Variants in NETO2 observed in about 807,000 individuals in gnomAD.
NETO2 encodes the protein neuropilin and tolloid like 2.
NETO2 carries 28 observed loss-of-function variants against 62.5 expected under a neutral mutation model. The observed-to-expected ratio is 0.45, with a 90% CI of 0.33 to 0.61. The LOEUF (loss-of-function observed/expected upper bound fraction) is 0.61, where lower values mean the gene tolerates loss of function less well. NETO2 is among the 20% of genes least tolerant of loss of function. The pLI, the probability that NETO2 is intolerant of heterozygous loss-of-function variation, is 0.02. For synonymous variants in NETO2, 214 were observed against 219.1 expected (o/e 0.98, Z 0.21); for missense variants, 548 against 643.2 (o/e 0.85, Z 1.60).
chr16:47,130,590 G>A (rs1056414231), intron 2 of NETO2, among the ~76,000 whole-genome samples: 3 of 151,756 alleles, frequency 2.0e-5, no homozygotes, highest in Non-Finnish European at 4.4e-5. Context: ...AAATCTATAA[G>A]ACAAAAACAA....
Position 47,092,025 on chromosome 16 carries a change from GT to G in NETO2, c.884-5687del, listed in dbSNP as rs34629427. ...GCCCAACTCATTTAAAACTGTTTTG[GT>G]TTTTTTTTTTTTTTTTGTAGAGATG... On this transcript the variant is annotated intron_variant, in intron 7 of 8. Transcript: ENST00000562435. Among the ~76,000 whole-genome samples the G allele has an allele frequency of 1.4e-3, 185 of 134,220 alleles. No homozygotes were observed. The East Asian group carries it at 0.015, about 11-fold the overall frequency. The allele number at this position is 134,220 out of a possible 152,430, so 88.1% of individuals were successfully genotyped here. A position where few individuals can be genotyped will look rare whatever the true frequency, so the allele number is the denominator to read the frequency against.
chr16:47,106,462 A>G (rs1251134251), intron 7 of NETO2, among the ~76,000 whole-genome samples: 1 of 152,110 alleles, frequency 6.6e-6, no homozygotes, highest in Non-Finnish European at 1.5e-5. Context: ...TATGCCATGT[A>G]TATTTTGCCA....
At chr16:47,121,126 C>A (rs1441111208) in intron 6 of NETO2, among the ~76,000 whole-genome samples, 2 of 152,150 alleles carry the variant, frequency 1.3e-5, no homozygotes, top group African/African-American at 4.8e-5. Context: ...TTATAGACCT[C>A]CTATTTGGTT....
intron 1 of NETO2, among the ~76,000 whole-genome samples, chr16:47,134,081 G>A (rs1425418441): frequency 6.6e-6 from 1 of 152,154 alleles, no homozygotes; most frequent in Admixed American, 6.5e-5. Flanking sequence ...GGACGTGAGG[G>A]GTGAGGGAGG....
chr16:47,141,804 A>G (rs1964465392), intron 1 of NETO2, among the ~76,000 whole-genome samples: 1 of 152,256 alleles, frequency 6.6e-6, no homozygotes, highest in East Asian at 1.9e-4. Flanking sequence ...TAGCTCTGCC[A>G]TCACCAGAAT....
intron 6 of NETO2, among the ~76,000 whole-genome samples, chr16:47,110,449 A>C (rs1008825511): frequency 6.6e-6 from 1 of 152,222 alleles, no homozygotes; most frequent in Non-Finnish European, 1.5e-5. Flanking sequence ...TTTAAGCATT[A>C]ATCTCCAGAA....
At position 47,092,268 on chromosome 16, in the gene NETO2, C is replaced by T. The variant is rs569881118; in HGVS notation, c.884-5929G>A. On this transcript the variant is annotated intron_variant, in intron 7 of 8. Transcript: ENST00000562435. ...CCCTGGCAGCCTCTCCCTGGCGGCT[C>T]CCTTTTGTTGTCCTCCATCCCAGCT... is the stretch of plus-strand genomic sequence containing the variant. Among the ~76,000 whole-genome samples the T allele has an allele frequency of 3.3e-5, 5 of 152,228 alleles. No individual in the cohort carries two copies. In the South Asian group the frequency reaches 8.3e-4, roughly 25 times the overall value.
chr16:47,128,665 G>T (rs1964205899), intron 3 of NETO2, 92 bp from the exon 4 acceptor site: 2 of 1,375,028 alleles, frequency 1.5e-6, no homozygotes, highest in Non-Finnish European at 2.0e-6. Context: ...TAACTGTTCT[G>T]CTAACTGCTT....
chr16:47,118,286 T>C (rs1458755571), intron 6 of NETO2, among the ~76,000 whole-genome samples: 1 of 152,062 alleles, frequency 6.6e-6, no homozygotes, highest in Non-Finnish European at 1.5e-5. Context: ...TCAGAGGTGG[T>C]TTATACTGTA....
At chr16:47,103,523 A>C (rs1963601518) in intron 7 of NETO2, among the ~76,000 whole-genome samples, 3 of 152,220 alleles carry the variant, frequency 2.0e-5, no homozygotes, top group Admixed American at 6.5e-5. Flanking sequence ...TGAGGCCAGA[A>C]CTAGTTACTC....
In NETO2 at chr16:47,133,597, GACATA is replaced by G. The variant is rs1200031178; in HGVS notation, c.35-1577_35-1573del. ...AACATAAAATAACATAACATAAAAT[GACATA>G]ACATAAAATAAAATAAAATAAAATA... On this transcript the variant is annotated intron_variant, in intron 1 of 8. Coordinates refer to ENST00000562435, the MANE Select transcript of NETO2 (RefSeq NM_018092.5). Among the ~76,000 whole-genome samples, 67 of 112,850 alleles carry G rather than the reference GACATA, an allele frequency of 5.9e-4. 1 individual carries two copies. The highest frequency in any genetic ancestry group is 9.2e-4 in the East Asian group (4 of 4,340). 74.0% of individuals were successfully genotyped at this position (112,850 alleles called of 152,430 possible). A position where few individuals can be genotyped will look rare whatever the true frequency, so the allele number is the denominator to read the frequency against.
In NETO2 at chr16:47,087,716, A is replaced by C. The variant is rs544086079; in HGVS notation, c.884-1377T>G. On this transcript the variant is annotated intron_variant, in intron 7 of 8. Transcript: ENST00000562435. ...ACCATGTAATTTCCTACTTGTATAA[A>C]TTGTTCTTTCAGCCTGGAATGGCTC... is the stretch of plus-strand genomic sequence containing the variant. 2.0e-5 allele frequency among the ~76,000 whole-genome samples: 3 copies of C among 152,278 alleles called. No individual in the cohort carries two copies. In the South Asian group the frequency reaches 6.2e-4, roughly 32 times the overall value.
At chr16:47,133,226 G>A (rs1391615470) in intron 1 of NETO2, among the ~76,000 whole-genome samples, 1 of 152,084 alleles carries the variant, frequency 6.6e-6, no homozygotes, top group African/African-American at 2.4e-5. Context: ...GGCATACTCT[G>A]GTTGGACCTT....
chr16:47,099,841 G>T (rs1245933782), intron 7 of NETO2, among the ~76,000 whole-genome samples: 1 of 152,156 alleles, frequency 6.6e-6, no homozygotes, highest in Non-Finnish European at 1.5e-5. Flanking sequence ...AGAGACTTAA[G>T]ACTCCCACAC....
chr16:47,128,190 C>T, intron 4 of NETO2, 135 bp downstream of exon 4: 1 of 1,082,156 alleles, frequency 9.2e-7, no homozygotes, highest in East Asian at 2.4e-5. Flanking sequence ...GACTAATTTC[C>T]CTTTGACTTT....
intron 7 of NETO2, among the ~76,000 whole-genome samples, chr16:47,091,971 T>C (rs764026225): frequency 4.0e-5 from 6 of 151,702 alleles, no homozygotes; most frequent in Non-Finnish European, 7.4e-5. Context: ...GCCTCCAGAG[T>C]AGCTGGAACC....
intron 7 of NETO2, among the ~76,000 whole-genome samples, chr16:47,101,359 C>G (rs1238406450): frequency 6.6e-6 from 1 of 152,168 alleles, no homozygotes; most frequent in East Asian, 1.9e-4. Flanking sequence ...GAAGCATTCC[C>G]TTTGAAAACT....
At chr16:47,095,379 A>G (rs1475221684) in intron 7 of NETO2, among the ~76,000 whole-genome samples, 7 of 152,194 alleles carry the variant, frequency 4.6e-5, no homozygotes. Flanking sequence ...AACATAAATA[A>G]ACTCTCCAAT....
At chr16:47,134,874 A>G (rs1377233063) in intron 1 of NETO2, among the ~76,000 whole-genome samples, 2 of 152,240 alleles carry the variant, frequency 1.3e-5, no homozygotes, top group Admixed American at 1.3e-4. Flanking sequence ...GAACAATCAT[A>G]CTGAAAATAA....
Sources: allele counts gnomAD v4.1 joint callset (sites outside exome capture counted in the v4.1 genomes callset), GRCh38; gene constraint gnomAD v4.1.1; transcripts MANE v1.5; gene names NCBI Gene and HGNC (gene_info 2026-07-23, HGNC 2026-07-21).